PAX8: variants seen among roughly 807,000 people sequenced by gnomAD.
The protein encoded by PAX8 is paired box 8.
A neutral mutation model predicts 52.4 loss-of-function variants in PAX8; 15 were observed. The ratio of observed to expected loss-of-function variants is 0.29; its 90% CI spans 0.19 to 0.44. PAX8 has a LOEUF of 0.44. PAX8 is among the 20% of genes least tolerant of loss of function. The probability of loss-of-function intolerance (pLI) is 1.00; values close to 1 mark genes in which losing one functional copy is unlikely to be tolerated. For synonymous variants in PAX8, 284 were observed against 249.7 expected (o/e 1.14, Z -1.29); for missense variants, 554 against 602.5 (o/e 0.92, Z 0.84).
chr2:113,234,413 G>C (rs1219964252), intron 9 of PAX8, among the ~76,000 whole-genome samples: 1 of 152,248 alleles, frequency 6.6e-6, no homozygotes, highest in Admixed American at 6.5e-5. Flanking sequence ...CTCCTGCCCA[G>C]AGACCTTGGC....
At position 113,236,605 on chromosome 2, in the gene PAX8, C is replaced by T. The variant is rs748061854; in HGVS notation, c.894G>A (p.Val298=). Residue 298 remains valine (V), a synonymous_variant, in exon 8 of 12, where the codon GTG becomes GTA. Coordinates refer to ENST00000429538, the MANE Select transcript of PAX8 (RefSeq NM_003466.4). ...GGGAGGCTCCGGGCGTTGTACCTGC[C>T]ACCACGGGGTAGGTCTGGTGAGTCG... The part of the protein sequence containing the change: ...NLSTHQTYPV[V]ADPHSPFAIK... 3 of 1,577,018 alleles carry T rather than the reference C, an allele frequency of 1.9e-6. No homozygotes were observed. Among genetic ancestry groups the T allele is most frequent in the East Asian group, 2.3e-5 (1 of 42,944 alleles).
intron 9 of PAX8, among the ~76,000 whole-genome samples, chr2:113,234,809 C>T (rs1008094966): frequency 6.6e-6 from 1 of 152,232 alleles, no homozygotes; most frequent in Admixed American, 6.5e-5. Context: ...TGAGCCACCT[C>T]GCCCGGTCGG....
At chr2:113,219,024 G>A (rs1436132195) in intron 11 of PAX8, among the ~76,000 whole-genome samples, 1 of 152,200 alleles carries the variant, frequency 6.6e-6, no homozygotes, top group Non-Finnish European at 1.5e-5. Flanking sequence ...GACTGCTGAG[G>A]GGTCAAAGGG....
chr2:113,245,677 T>C (rs1473671352), intron 3 of PAX8, among the ~76,000 whole-genome samples: 3 of 152,174 alleles, frequency 2.0e-5, no homozygotes, highest in Non-Finnish European at 4.4e-5. Context: ...TATCCTCCTC[T>C]TCTTGTTGTA....
At chr2:113,244,011 A>G (rs1203255575) in intron 4 of PAX8, among the ~76,000 whole-genome samples, 4 of 152,240 alleles carry the variant, frequency 2.6e-5, no homozygotes, top group African/African-American at 9.6e-5. Flanking sequence ...GAATGAATTA[A>G]TGAACAAGCG....
In PAX8 at chr2:113,222,831, ACC is replaced by A. The variant is rs541297936; in HGVS notation, c.1190-2655_1190-2654del. Among the ~76,000 whole-genome samples, 7 of 151,828 alleles carry A rather than the reference ACC, an allele frequency of 4.6e-5. No individual in the cohort carries two copies. The East Asian group carries it at 9.8e-4, about 21-fold the overall frequency. ...TCCCCACAGTCTCTAACTCCATCAT[ACC>A]AATGGTCACTTCTATATCCTCAATT... On this transcript the variant is annotated intron_variant, in intron 10 of 11. Coordinates refer to ENST00000429538, the MANE Select transcript of PAX8 (RefSeq NM_003466.4).
chr2:113,264,743 G>C (rs896550323), intron 2 of PAX8, among the ~76,000 whole-genome samples: 3 of 152,216 alleles, frequency 2.0e-5, no homozygotes, highest in Non-Finnish European at 4.4e-5. Flanking sequence ...AGTCAGACAG[G>C]ATGGTCACTA....
chr2:113,234,333 G>A (rs561257442), intron 9 of PAX8, among the ~76,000 whole-genome samples: 1 of 152,266 alleles, frequency 6.6e-6, no homozygotes, highest in East Asian at 1.9e-4. Context: ...CTTCTGCCAG[G>A]AGGAGCCAGC....
chr2:113,226,878 C>T (rs962384779), intron 10 of PAX8: 12 of 1,336,878 alleles, frequency 9.0e-6, no homozygotes, highest in South Asian at 1.5e-5. Flanking sequence ...TGGATTTGAA[C>T]ACAGACCTGT....
At chr2:113,275,600 GTTAT>G (rs1693746368) in intron 2 of PAX8, 1 of 152,184 alleles carries the variant, frequency 6.6e-6, no homozygotes, top group Non-Finnish European at 1.5e-5. Context: ...GCTGCGACAA[GTTAT>G]TTAAGATAAC....
chr2:113,232,576 T>G (rs10171181), intron 9 of PAX8, among the ~76,000 whole-genome samples: 3,198 of 152,294 alleles, frequency 0.021, 129 homozygotes, highest in African/African-American at 0.073. Flanking sequence ...TCCCATGGGT[T>G]GGGTGACCTC....
intron 2 of PAX8, among the ~76,000 whole-genome samples, chr2:113,253,642 G>C (rs1048480763): frequency 6.6e-6 from 1 of 152,092 alleles, no homozygotes; most frequent in Non-Finnish European, 1.5e-5. Flanking sequence ...GTTAACTCCT[G>C]CTCATCCTTT....
Position 113,278,413 on chromosome 2 carries a change from AGCCCGCC to A in PAX8, c.-26_-20del. 8 of 1,610,606 alleles carry A rather than the reference AGCCCGCC, an allele frequency of 5.0e-6. No individual in the cohort carries two copies. The highest frequency in any genetic ancestry group is 6.8e-6 in the Non-Finnish European group (8 of 1,178,804). On this transcript the variant is annotated 5_prime_UTR_variant, in exon 2 of 12. Coordinates refer to ENST00000429538, the MANE Select transcript of PAX8 (RefSeq NM_003466.4). ...GAGGCATCGCCGGGGAGTCGCTCGC[AGCCCGCC>A]GAGGGCTCGGGGCTTCCTCCCGTAG...
At chr2:113,222,762 A>C (rs1176644142) in intron 10 of PAX8, among the ~76,000 whole-genome samples, 1 of 151,712 alleles carries the variant, frequency 6.6e-6, no homozygotes, top group Non-Finnish European at 1.5e-5. Flanking sequence ...CTCTGCCTTC[A>C]CCTTCTTATC....
chr2:113,244,472 C>T lies in PAX8; in HGVS notation c.344G>A (p.Gly115Asp), dbSNP rs201332404. The change falls in exon 4 of 12, where the codon GGC becomes GAC. Residue 115 changes from glycine to aspartate, a missense_variant. Physicochemically the swap from Gly to Asp is moderately conservative, Grantham distance 94 (BLOSUM62 -1). This residue lies in a region of PAX8 where 109 missense variants were observed against 192.7 expected (regional missense o/e 0.57). Coordinates refer to ENST00000429538, the MANE Select transcript of PAX8 (RefSeq NM_003466.4). The part of the protein sequence containing the change: ...WEIRDRLLAE[G>D]VCDNDTVPSV... ...GGGCACAGTGTCATTGTCACAGACGCCCTCAGCCAGGAGCCGGTCTCGGAT... is the reference window on the plus strand; with the variant it reads ...GGGCACAGTGTCATTGTCACAGACGTCCTCAGCCAGGAGCCGGTCTCGGAT... The T allele has an allele frequency of 3.0e-5, 49 of 1,614,176 alleles. No homozygotes were observed. In the African/African-American group the frequency reaches 5.3e-4, roughly 18 times the overall value.
intron 2 of PAX8, chr2:113,271,899 C>G (rs1374722110): frequency 1.3e-5 from 2 of 151,870 alleles, no homozygotes; most frequent in Non-Finnish European, 2.9e-5. Context: ...CTCTCAGCAC[C>G]ACACCACACC....
At chr2:113,262,009 T>C (rs1692721284) in intron 2 of PAX8, among the ~76,000 whole-genome samples, 1 of 152,054 alleles carries the variant, frequency 6.6e-6, no homozygotes, top group Non-Finnish European at 1.5e-5. Flanking sequence ...TTTGTATTTT[T>C]AGTACAGACA....
chr2:113,225,828 G>A (rs955159392), intron 10 of PAX8: 17 of 807,230 alleles, frequency 2.1e-5, no homozygotes, highest in Middle Eastern at 6.2e-4. Flanking sequence ...GGAATGGGGG[G>A]AACCGACTGG....
Position 113,278,351 on chromosome 2 carries a change from G to C in PAX8, c.25+19C>G, listed in dbSNP as rs1244685787. 5.7e-6 allele frequency: 9 copies of C among 1,579,348 alleles called. No individual in the cohort carries two copies. The highest frequency in any genetic ancestry group is 6.9e-6 in the Non-Finnish European group (8 of 1,151,498). ...AGCGGCGCGGGGGCTCGGGGATCCT[G>C]ACCACACCGCGTTCTTACCAGATCT... On this transcript the variant is annotated intron_variant, in intron 2 of 11. Transcript: ENST00000429538.
Sources: allele counts gnomAD v4.1 joint callset (sites outside exome capture counted in the v4.1 genomes callset), GRCh38; gene constraint gnomAD v4.1.1; regional missense constraint gnomAD v4.1.1; transcripts MANE v1.5; gene names NCBI Gene and HGNC (gene_info 2026-07-23, HGNC 2026-07-21).